IGFBP7: variants seen among roughly 807,000 people sequenced by gnomAD.
IGFBP7 encodes insulin like growth factor binding protein 7.
Under a neutral mutation model 29.4 loss-of-function variants are expected in IGFBP7, and 31 were observed. That is an observed-to-expected ratio of 1.05 (90% CI 0.79 to 1.42). The LOEUF (loss-of-function observed/expected upper bound fraction) is 1.42, where lower values mean the gene tolerates loss of function less well. Ranked by LOEUF, IGFBP7 falls within the 40% of genes most tolerant of loss-of-function variation. The probability of loss-of-function intolerance (pLI) is 0.00; values close to 1 mark genes in which losing one functional copy is unlikely to be tolerated. For synonymous variants in IGFBP7, 172 were observed against 174.9 expected (o/e 0.98, Z 0.13); for missense variants, 393 against 395.5 (o/e 0.99, Z 0.05).
At chr4:57,038,188 G>A (rs1163085557) in intron 2 of IGFBP7, among the ~76,000 whole-genome samples, 1 of 152,234 alleles carries the variant, frequency 6.6e-6, no homozygotes, top group Non-Finnish European at 1.5e-5. Flanking sequence ...GCCGCATGGG[G>A]GAGCCAGAGC....
intron 1 of IGFBP7, among the ~76,000 whole-genome samples, chr4:57,065,204 GC>G (rs1298427099): frequency 6.6e-6 from 1 of 152,154 alleles, no homozygotes; most frequent in Non-Finnish European, 1.5e-5. Context: ...GTGCCGGCTC[GC>G]CCACAAGCTA....
rs753927314 is a variant in IGFBP7 at position 57,031,342 on chromosome 4, TAA to T, written c.830-8_830-7del. On this transcript the variant is annotated splice_polypyrimidine_tract_variant and splice_region_variant and intron_variant, in intron 4 of 4. Transcript: ENST00000295666. ...TTATAGCTCGGCACCTTCACCTGTTTAAAAAAAAAAAAAGATAAAAATTAGTT... is the reference window on the plus strand; with the variant it reads ...TTATAGCTCGGCACCTTCACCTGTTTAAAAAAAAAAAGATAAAAATTAGTT... The T allele has an allele frequency of 7.6e-4, 953 of 1,258,666 alleles. No individual in the cohort carries two copies. The highest frequency in any genetic ancestry group is 8.6e-4 in the Non-Finnish European group (779 of 908,124). The allele number at this position is 1,258,666 out of a possible 1,614,324, so 78.0% of individuals were successfully genotyped here.
At chr4:57,102,045 A>G (rs1227761997) in intron 1 of IGFBP7, among the ~76,000 whole-genome samples, 1 of 152,198 alleles carries the variant, frequency 6.6e-6, no homozygotes, top group African/African-American at 2.4e-5. Flanking sequence ...AGCTGCTAAA[A>G]ACAAGATGTT....
intron 1 of IGFBP7, among the ~76,000 whole-genome samples, chr4:57,059,684 C>A (rs115600749): frequency 0.017 from 2,634 of 152,184 alleles, 35 homozygotes; most frequent in Non-Finnish European, 0.028. Context: ...TGCTGTACAA[C>A]AAACCTCCAT....
intron 1 of IGFBP7, among the ~76,000 whole-genome samples, chr4:57,068,921 C>T (rs1724986025): frequency 6.6e-6 from 1 of 152,092 alleles, no homozygotes; most frequent in Non-Finnish European, 1.5e-5. Context: ...TGAAGCTTTC[C>T]ATGGCCACTT....
At chr4:57,043,402 T>C (rs1267255740) in intron 1 of IGFBP7, among the ~76,000 whole-genome samples, 3 of 152,216 alleles carry the variant, frequency 2.0e-5, no homozygotes, top group Admixed American at 6.5e-5. Context: ...ATCAGAGTCC[T>C]GGGAAAGGGA....
rs1473542444 is a variant in IGFBP7, at chr4:57,032,622, C to G, written c.703-70G>C. 2.1e-5 allele frequency: 26 copies of G among 1,214,562 alleles called. 1 individual carries two copies. In the South Asian group the frequency reaches 3.1e-4, roughly 15 times the overall value. The allele number at this position is 1,214,562 out of a possible 1,614,324, so 75.2% of individuals were successfully genotyped here. A position where few individuals can be genotyped will look rare whatever the true frequency, so the allele number is the denominator to read the frequency against. On this transcript the variant is annotated intron_variant, in intron 3 of 4. Transcript: ENST00000295666. Reference sequence around the variant, plus strand: ...CTTTTGTCAGTGGTTCCAGTGAGGTCATTATTTCATAAATTTCCTAAGATG... The same window carrying G: ...CTTTTGTCAGTGGTTCCAGTGAGGTGATTATTTCATAAATTTCCTAAGATG...
At position 57,084,788 on chromosome 4, in the gene IGFBP7, G is replaced by GTTTTTTTTTTTTTTTTTTTTT. The variant is rs57704332; in HGVS notation, c.475+25088_475+25089insAAAAAAAAAAAAAAAAAAAAA. Among the ~76,000 whole-genome samples, 2 of 113,104 alleles carry GTTTTTTTTTTTTTTTTTTTTT rather than the reference G, an allele frequency of 1.8e-5. 1 individual carries two copies. 74.2% of individuals were successfully genotyped at this position (113,104 alleles called of 152,430 possible). ...CTTTTTACTCAGATGTTTAAAAAAG[G>GTTTTTTTTTTTTTTTTTTTTT]TTTTTTTTTTTTTTTTTTTTGGGAC... is the stretch of plus-strand genomic sequence containing the variant. On this transcript the variant is annotated intron_variant, in intron 1 of 4. Coordinates refer to ENST00000295666, the MANE Select transcript of IGFBP7 (RefSeq NM_001553.3).
At chr4:57,045,175 T>C (rs1233963186) in intron 1 of IGFBP7, among the ~76,000 whole-genome samples, 3 of 152,214 alleles carry the variant, frequency 2.0e-5, no homozygotes, top group Non-Finnish European at 4.4e-5. Context: ...ATTCTAAGAA[T>C]GTAAATGATT....
chr4:57,054,203 C>T (rs1560495345), intron 1 of IGFBP7, among the ~76,000 whole-genome samples: 1 of 151,908 alleles, frequency 6.6e-6, no homozygotes, highest in South Asian at 2.1e-4. Flanking sequence ...ACATACTAAC[C>T]CAGTGCCTGG....
At chr4:57,077,277 A>G (rs1725250842) in intron 1 of IGFBP7, among the ~76,000 whole-genome samples, 1 of 152,078 alleles carries the variant, frequency 6.6e-6, no homozygotes, top group African/African-American at 2.4e-5. Context: ...AGAAAGGCAT[A>G]TTTATTTATT....
At chr4:57,062,097 A>G (rs1724813957) in intron 1 of IGFBP7, among the ~76,000 whole-genome samples, 1 of 152,194 alleles carries the variant, frequency 6.6e-6, no homozygotes, top group Non-Finnish European at 1.5e-5. Context: ...CACAGACTGG[A>G]AATGGGGTGG....
intron 4 of IGFBP7, 147 bp from the exon 5 acceptor site, chr4:57,031,483 G>C (rs1723925644): frequency 3.0e-6 from 2 of 662,052 alleles, no homozygotes; most frequent in African/African-American, 3.6e-5. Context: ...TAAATGATAT[G>C]CTGGAGTGCT....
intron 1 of IGFBP7, among the ~76,000 whole-genome samples, chr4:57,066,905 A>G (rs1208416619): frequency 6.6e-6 from 1 of 151,928 alleles, no homozygotes; most frequent in East Asian, 1.9e-4. Flanking sequence ...ATAATACAAC[A>G]TCTTTGAACT....
rs186448959 is a variant in IGFBP7, at chr4:57,040,740, T to G, written c.585+84A>C. ...GGGAGCCGCAGTCAACAAAGCAGGC[T>G]GAGGATTTAACGTTTTACCATCCTT... is the stretch of plus-strand genomic sequence containing the variant. On this transcript the variant is annotated intron_variant, in intron 2 of 4. Coordinates refer to ENST00000295666, the MANE Select transcript of IGFBP7 (RefSeq NM_001553.3). 3.1e-4 allele frequency: 313 copies of G among 1,000,012 alleles called. 1 individual carries two copies. The East Asian group carries it at 6.5e-3, about 21-fold the overall frequency. The allele number at this position is 1,000,012 out of a possible 1,614,324, so 61.9% of individuals were successfully genotyped here. A position where few individuals can be genotyped will look rare whatever the true frequency, so the allele number is the denominator to read the frequency against.
Position 57,109,893 on chromosome 4 carries a change from C to G in IGFBP7, c.459G>C (p.Lys153Asn), listed in dbSNP as rs1436894408. The G allele has an allele frequency of 1.3e-6, 2 of 1,550,988 alleles. No individual in the cohort carries two copies. The highest frequency in any genetic ancestry group is 1.2e-5 in the South Asian group (1 of 85,008). The change falls in exon 1 of 5, where the codon AAG (lysine) becomes AAC (asparagine). Residue 153 changes from lysine to asparagine, a missense_variant. Lys to Asn is a moderately conservative substitution (Grantham distance 94). Transcript: ENST00000295666. ...CGTGCCCACCTTGCTCGCAGGTGCC[C>G]TTGCTGACCTGGGTGATGGCCTTCT... is the stretch of plus-strand genomic sequence containing the variant. ...RGEKAITQVS[K>N]GTCEQGPSIV...
At chr4:57,109,460 T>C in intron 1 of IGFBP7, among the ~76,000 whole-genome samples, 1 of 152,080 alleles carries the variant, frequency 6.6e-6, no homozygotes, top group East Asian at 1.9e-4. Context: ...TGGAAGTCCT[T>C]ACTTTATATT....
intron 1 of IGFBP7, among the ~76,000 whole-genome samples, chr4:57,092,649 A>G (rs1185082756): frequency 1.3e-5 from 2 of 151,078 alleles, no homozygotes; most frequent in Non-Finnish European, 3.0e-5. Flanking sequence ...GGAATCACTA[A>G]TGTCAATACA....
intron 1 of IGFBP7, among the ~76,000 whole-genome samples, chr4:57,063,306 A>G: frequency 6.6e-6 from 1 of 152,154 alleles, no homozygotes; most frequent in Admixed American, 6.6e-5. Flanking sequence ...CTCCCTTATC[A>G]TAGCATTTTC....
Sources: gnomAD v4.1 joint callset for allele counts (sites outside exome capture counted in the v4.1 genomes callset) on GRCh38, gnomAD v4.1.1 for gene constraint, MANE v1.5 for transcripts, NCBI Gene and HGNC (gene_info 2026-07-23, HGNC 2026-07-21) for gene names.